HERC3: variants seen among roughly 807,000 people sequenced by gnomAD.
HERC3 encodes probable E3 ubiquitin-protein ligase HERC3.
Under a neutral mutation model 129.9 loss-of-function variants are expected in HERC3, and 58 were observed. The ratio of observed to expected loss-of-function variants is 0.45; its 90% CI spans 0.36 to 0.56. HERC3 has a LOEUF of 0.56. HERC3 is among the 20% of genes least tolerant of loss of function. The pLI, the probability that HERC3 is intolerant of heterozygous loss-of-function variation, is 0.00. For synonymous variants in HERC3, 430 were observed against 451.0 expected (o/e 0.95, Z 0.59); for missense variants, 835 against 1,244.2 (o/e 0.67, Z 4.95).
chr4:88,647,955 C>A (rs1013502613), intron 3 of HERC3, among the ~76,000 whole-genome samples: 2 of 151,980 alleles, frequency 1.3e-5, no homozygotes, highest in African/African-American at 4.8e-5. Context: ...CCTACCCTCT[C>A]CTCTTCCTCA....
At chr4:88,552,869 C>T in the HERC3 span, among the ~76,000 whole-genome samples, 11 of 151,710 alleles carry the variant, frequency 7.3e-5, no homozygotes, top group South Asian at 2.1e-4. Context: ...AAGCCATATT[C>T]GGTATGTGGT....
At chr4:88,560,152 G>A in the HERC3 span, among the ~76,000 whole-genome samples, 1 of 151,764 alleles carries the variant, frequency 6.6e-6, no homozygotes, top group African/African-American at 2.4e-5. Flanking sequence ...CAGAGATGGG[G>A]TTTCACCATG....
chr4:88,617,800 G>A (rs1165196891), intron 3 of HERC3, among the ~76,000 whole-genome samples: 5 of 152,112 alleles, frequency 3.3e-5, no homozygotes, highest in African/African-American at 1.2e-4. Flanking sequence ...GAACCTGGGA[G>A]GCAGAGCTTG....
At position 88,680,163 on chromosome 4, in the gene HERC3, A is replaced by G. The variant is rs1259142329; in HGVS notation, c.2267A>G (p.Lys756Arg). The G allele has an allele frequency of 6.2e-7, 1 of 1,613,300 alleles. No homozygotes were observed. The highest frequency in any genetic ancestry group is 8.5e-7 in the Non-Finnish European group (1 of 1,179,644). ...VTKEFFLLLL[K>R]ELLNPIYGMF... The stretch of plus-strand genomic sequence containing the variant: ...AAGGAATTTTTTCTTTTGCTGTTAA[A>G]AGAACTTTTGAATCCCATCTATGGA... Residue 756 changes from lysine (K) to arginine (R), a missense_variant, in exon 20 of 26, where the codon AAA becomes AGA. Physicochemically the swap from Lys to Arg is conservative, Grantham distance 26. Transcript: ENST00000402738.
chr4:88,682,987 G>T (rs1235967534), intron 21 of HERC3, among the ~76,000 whole-genome samples: 7 of 152,162 alleles, frequency 4.6e-5, no homozygotes, highest in African/African-American at 1.2e-4. Context: ...AGCACCTGTT[G>T]TTTCATGACT....
At chr4:88,554,608 G>C in the HERC3 span, among the ~76,000 whole-genome samples, 11,567 of 152,172 alleles carry the variant, frequency 0.076, 626 homozygotes, top group East Asian at 0.28. Context: ...GCCAAATAAA[G>C]TTTTACTAAT....
chr4:88,605,053 T>G (rs1433489761), intron 2 of HERC3, among the ~76,000 whole-genome samples: 1 of 152,092 alleles, frequency 6.6e-6, no homozygotes, highest in South Asian at 2.1e-4. Flanking sequence ...ATAGAAGAGG[T>G]CTGTGTTATA....
intron 3 of HERC3, among the ~76,000 whole-genome samples, chr4:88,632,707 C>G (rs1726910057): frequency 6.6e-6 from 1 of 152,148 alleles, no homozygotes; most frequent in African/African-American, 2.4e-5. Flanking sequence ...AGAAATTATG[C>G]AGTCTGAATG....
chr4:88,615,866 T>TA (rs1250196049), intron 3 of HERC3, among the ~76,000 whole-genome samples: 2 of 152,224 alleles, frequency 1.3e-5, no homozygotes, highest in African/African-American at 4.8e-5. Context: ...TACTAGCTAT[T>TA]ATCATTATTT....
upstream of HERC3, among the ~76,000 whole-genome samples, chr4:88,587,824 T>C (rs533981920): frequency 6.6e-5 from 10 of 152,374 alleles, no homozygotes; most frequent in East Asian, 1.7e-3. Context: ...TCTGTGCAGC[T>C]ACATGATGAC....
At chr4:88,530,867 T>C in the HERC3 span, among the ~76,000 whole-genome samples, 6 of 152,168 alleles carry the variant, frequency 3.9e-5, no homozygotes, top group African/African-American at 1.4e-4. Flanking sequence ...TTATTCTTTT[T>C]GAGACAGAGT....
rs923827960 is a variant in HERC3, at chr4:88,678,265, C to T, written c.2196+131C>T. ...TTCATTCATTTTGCAAGAATTTAAT[C>T]ACCTACTTTTGTCAAATCACCAAAC... On this transcript the variant is annotated intron_variant, in intron 19 of 25. Transcript: ENST00000402738. 11 of 743,848 alleles carry T rather than the reference C, an allele frequency of 1.5e-5. No homozygotes were observed. The East Asian group carries it at 2.2e-4, about 15-fold the overall frequency. The allele number at this position is 743,848 out of a possible 1,614,324, so 46.1% of individuals were successfully genotyped here.
At chr4:88,689,725 G>A (rs1384751761) in intron 23 of HERC3, among the ~76,000 whole-genome samples, 1 of 151,962 alleles carries the variant, frequency 6.6e-6, no homozygotes, top group African/African-American at 2.4e-5. Flanking sequence ...TTACAGGCGT[G>A]TACCACCATG....
chr4:88,547,516 A>G, the HERC3 span, among the ~76,000 whole-genome samples: 193 of 152,306 alleles, frequency 1.3e-3, no homozygotes, highest in African/African-American at 4.3e-3. Context: ...CTATTTCTCC[A>G]ATCCCACTCC....
At chr4:88,599,178 A>G (rs1722721206) in intron 2 of HERC3, among the ~76,000 whole-genome samples, 1 of 152,172 alleles carries the variant, frequency 6.6e-6, no homozygotes, top group Admixed American at 6.5e-5. Context: ...GTCCAACTGG[A>G]GTGTACTTTG....
chr4:88,545,430 C>CTTTTTTTT, the HERC3 span, among the ~76,000 whole-genome samples: 22 of 110,434 alleles, frequency 2.0e-4, no homozygotes, highest in African/African-American at 8.1e-4. Flanking sequence ...TTTGAGAATT[C>CTTTTTTTT]TTTTTTTTTT....
intron 13 of HERC3, 101 bp from the exon 14 acceptor site, chr4:88,667,791 G>A (rs1731202748): frequency 7.0e-6 from 6 of 856,140 alleles, no homozygotes; most frequent in Non-Finnish European, 1.1e-5. Flanking sequence ...CATAGTGAAT[G>A]AATGAGAGTT....
chr4:88,693,375 T>C lies in HERC3; in HGVS notation c.2657+6076T>C, dbSNP rs149780743. The stretch of plus-strand genomic sequence containing the variant: ...ATAAATTGATTTTGCTAATGAATTA[T>C]ACTCCCTTATATGTCATTATCACCA... On this transcript the variant is annotated intron_variant, in intron 23 of 25. Transcript: ENST00000402738. The C allele has an allele frequency of 8.0e-4, 773 of 964,218 alleles. 4 individuals are homozygous for C. In the African/African-American group the frequency reaches 0.012, roughly 15 times the overall value. The allele number at this position is 964,218 out of a possible 1,614,324, so 59.7% of individuals were successfully genotyped here.
At chr4:88,682,666 G>A (rs1560759140) in intron 21 of HERC3, among the ~76,000 whole-genome samples, 1 of 152,058 alleles carries the variant, frequency 6.6e-6, no homozygotes, top group Non-Finnish European at 1.5e-5. Context: ...CATTTTTTAT[G>A]GCTGCATAGT....
Sources: allele counts gnomAD v4.1 joint callset (sites outside exome capture counted in the v4.1 genomes callset), GRCh38; gene constraint gnomAD v4.1.1; transcripts MANE v1.5; gene names NCBI Gene and HGNC (gene_info 2026-07-23, HGNC 2026-07-21).